The following LUZP2 variants were observed in gnomAD, a reference collection of about 807,000 sequenced individuals.
The protein encoded by LUZP2 is leucine zipper protein 2.
A neutral mutation model predicts 51.6 loss-of-function variants in LUZP2; 52 were observed. The observed-to-expected ratio is 1.01, with a 90% CI of 0.81 to 1.27. LUZP2 has a LOEUF of 1.27. LUZP2 is among the 50% of genes most tolerant of loss of function. The pLI is 0.00. For synonymous variants in LUZP2, 154 were observed against 137.3 expected (o/e 1.12, Z -0.85); for missense variants, 436 against 395.4 (o/e 1.10, Z -0.87).
At chr11:24,525,173 T>G (rs1489087765) in intron 1 of LUZP2, among the ~76,000 whole-genome samples, 1 of 151,712 alleles carries the variant, frequency 6.6e-6, no homozygotes, top group African/African-American at 2.4e-5. Context: ...TATTATTTCC[T>G]GCTCAGTCTG....
At chr11:24,856,857 G>A (rs1358863516) in intron 5 of LUZP2, among the ~76,000 whole-genome samples, 2 of 151,990 alleles carry the variant, frequency 1.3e-5, no homozygotes, top group Admixed American at 6.6e-5. Flanking sequence ...GTCAAATACT[G>A]CATGTTCTCA....
intron 1 of LUZP2, among the ~76,000 whole-genome samples, chr11:24,582,651 G>A (rs920818125): frequency 1.2e-4 from 18 of 152,102 alleles, no homozygotes; most frequent in Admixed American, 3.3e-4. Context: ...CAGCAGCAGA[G>A]TATACAGTTA....
chr11:24,641,264 G>GAA (rs35487487), intron 1 of LUZP2, among the ~76,000 whole-genome samples: 1 of 150,946 alleles, frequency 6.6e-6, no homozygotes, highest in South Asian at 2.1e-4. Context: ...TTTTCTTAGT[G>GAA]AAAAAATCCC....
intron 5 of LUZP2, among the ~76,000 whole-genome samples, chr11:24,849,875 A>G (rs527898978): frequency 1.3e-5 from 2 of 152,316 alleles, no homozygotes; most frequent in South Asian, 2.1e-4. Flanking sequence ...TCTAATGACC[A>G]GTGATGCTGA....
At chr11:24,960,092 G>A (rs1374288607) in intron 7 of LUZP2, among the ~76,000 whole-genome samples, 2 of 152,244 alleles carry the variant, frequency 1.3e-5, no homozygotes. Context: ...GCATCCCAGG[G>A]ATGAAGCCCA....
intron 1 of LUZP2, among the ~76,000 whole-genome samples, chr11:24,602,957 T>A (rs971879918): frequency 1.3e-5 from 2 of 151,812 alleles, no homozygotes; most frequent in African/African-American, 4.8e-5. Flanking sequence ...TGTAAATGTT[T>A]ATATTAAAAT....
chr11:24,798,240 T>C (rs1590547584), intron 5 of LUZP2, among the ~76,000 whole-genome samples: 1 of 151,912 alleles, frequency 6.6e-6, no homozygotes, highest in South Asian at 2.1e-4. Flanking sequence ...TATTGGAAGA[T>C]GGGATCTCAC....
intron 9 of LUZP2, among the ~76,000 whole-genome samples, chr11:25,044,671 A>T (rs1464250150): frequency 6.6e-6 from 1 of 151,770 alleles, no homozygotes; most frequent in Non-Finnish European, 1.5e-5. Flanking sequence ...AGGGATCTAG[A>T]ACTAGAAATA....
At position 24,835,665 on chromosome 11, in the gene LUZP2, A is replaced by C. The variant is rs115989358; in HGVS notation, c.397-70326A>C. 3.3e-3 allele frequency among the ~76,000 whole-genome samples: 497 copies of C among 152,234 alleles called. 2 individuals are homozygous for C. Among genetic ancestry groups the C allele is most frequent in the African/African-American group, 0.011 (478 of 41,572 alleles). On this transcript the variant is annotated intron_variant, in intron 5 of 11. Coordinates refer to ENST00000336930, the MANE Select transcript of LUZP2 (RefSeq NM_001009909.4). ...AAGAGACAAAAACAGACAGAGCTAG[A>C]TGAAATTTCATGTTTCCTGATGCCT...
At chr11:24,517,572 T>C (rs1266740740) in intron 1 of LUZP2, among the ~76,000 whole-genome samples, 1 of 151,450 alleles carries the variant, frequency 6.6e-6, no homozygotes, top group Non-Finnish European at 1.5e-5. Context: ...GTTCTATTTA[T>C]TTTTTCATAT....
At chr11:24,804,649 A>T (rs1175834408) in intron 5 of LUZP2, among the ~76,000 whole-genome samples, 2 of 152,108 alleles carry the variant, frequency 1.3e-5, no homozygotes, top group African/African-American at 4.8e-5. Flanking sequence ...TCCTCCAGGT[A>T]TAGGAGGGCT....
chr11:25,020,794 C>T (rs1348015257), intron 9 of LUZP2, among the ~76,000 whole-genome samples: 2 of 151,494 alleles, frequency 1.3e-5, no homozygotes, highest in African/African-American at 4.8e-5. Context: ...AATTTAATAA[C>T]TTAAAATTAT....
chr11:24,654,420 G>T (rs565360941), intron 1 of LUZP2, among the ~76,000 whole-genome samples: 7 of 151,092 alleles, frequency 4.6e-5, no homozygotes, highest in African/African-American at 1.7e-4. Flanking sequence ...TTGTTTGTTT[G>T]TTCATTTTGT....
intron 5 of LUZP2, among the ~76,000 whole-genome samples, chr11:24,818,259 C>T (rs771024875): frequency 2.0e-5 from 3 of 151,992 alleles, no homozygotes; most frequent in East Asian, 1.9e-4. Flanking sequence ...AGACAACAAA[C>T]GTGGTTTCCT....
At chr11:24,937,529 G>T (rs80265532) in intron 7 of LUZP2, among the ~76,000 whole-genome samples, 9,208 of 152,112 alleles carry the variant, frequency 0.061, 408 homozygotes, top group Non-Finnish European at 0.098. Flanking sequence ...TTTTCCTCGG[G>T]GAAATTTATT....
intron 1 of LUZP2, among the ~76,000 whole-genome samples, chr11:24,649,436 G>A (rs1855558324): frequency 6.6e-6 from 1 of 151,952 alleles, no homozygotes; most frequent in Admixed American, 6.6e-5. Context: ...AATCAATGAA[G>A]TCCACTTGAG....
chr11:24,752,119 T>C (rs897372569), intron 4 of LUZP2, among the ~76,000 whole-genome samples: 3 of 152,016 alleles, frequency 2.0e-5, no homozygotes, highest in Non-Finnish European at 4.4e-5. Flanking sequence ...AGAGTAAAAT[T>C]GCCAAGTATC....
At chr11:24,896,188 C>T (rs7479302) in intron 5 of LUZP2, among the ~76,000 whole-genome samples, 82,875 of 152,134 alleles carry the variant, frequency 0.54, 22,853 homozygotes, top group East Asian at 0.73. Flanking sequence ...TCTCTGACCA[C>T]GCTCGAGGAG....
chr11:24,626,372 C>G (rs1465353281), intron 1 of LUZP2, among the ~76,000 whole-genome samples: 2 of 152,172 alleles, frequency 1.3e-5, no homozygotes, highest in Non-Finnish European at 2.9e-5. Flanking sequence ...TTTAAAACAC[C>G]TGCTTACAAT....
Sources: gnomAD v4.1 joint callset for allele counts (sites outside exome capture counted in the v4.1 genomes callset) on GRCh38, gnomAD v4.1.1 for gene constraint, MANE v1.5 for transcripts, NCBI Gene and HGNC (gene_info 2026-07-23, HGNC 2026-07-21) for gene names.